TP63: variants seen among roughly 807,000 people sequenced by gnomAD.
TP63 encodes tumor protein 63.
TP63 carries 17 observed loss-of-function variants against 82.8 expected under a neutral mutation model. The ratio of observed to expected loss-of-function variants is 0.21; its 90% confidence interval spans 0.14 to 0.31. The LOEUF is 0.31. Among genes scored for constraint, TP63 ranks in the 10% least tolerant of loss-of-function variants. The probability of loss-of-function intolerance (pLI) is 1.00; values close to 1 mark genes in which losing one functional copy is unlikely to be tolerated. For synonymous variants in TP63, 330 were observed against 321.7 expected, an observed-to-expected ratio of 1.03 and a Z score of -0.28; for missense variants, 648 against 895.3, an observed-to-expected ratio of 0.72 and a Z score of 3.52.
chr3:189,657,412 G>T (rs930402870), intron 1 of TP63, among the ~76,000 whole-genome samples: 1 of 152,066 alleles, frequency 6.6e-6, no homozygotes, highest in Admixed American at 6.6e-5. Context: ...CAATATTACA[G>T]ATTAGTGAAA....
chr3:189,708,925 G>T (rs1266810114), intron 1 of TP63, among the ~76,000 whole-genome samples: 1 of 152,178 alleles, frequency 6.6e-6, no homozygotes, highest in Non-Finnish European at 1.5e-5. Flanking sequence ...TTGTGTTCAA[G>T]AAATTTTAGA....
In TP63 at chr3:189,679,585, C is replaced by T. The variant is rs1346387538; in HGVS notation, c.62+48008C>T. Reference sequence around the variant, plus strand: ...TATTTTCACTCATTTCGTAGGTGACCTCTTCATTCTGTTGATTGTTTTTTT... The same window carrying T: ...TATTTTCACTCATTTCGTAGGTGACTTCTTCATTCTGTTGATTGTTTTTTT... On this transcript the variant is annotated intron_variant, in intron 1 of 13. Transcript: ENST00000264731. Among the ~76,000 whole-genome samples the T allele has an allele frequency of 1.6e-4, 24 of 151,970 alleles. 1 individual carries two copies. The highest frequency in any genetic ancestry group is 3.2e-4 in the Non-Finnish European group (22 of 67,962).
chr3:189,604,358 A>G, the TP63 span, among the ~76,000 whole-genome samples: 1 of 152,338 alleles, frequency 6.6e-6, no homozygotes, highest in African/African-American at 2.4e-5. Context: ...CATTCATTAA[A>G]TGGGTAGATT....
At chr3:189,695,361 T>C (rs1486940822) in intron 1 of TP63, among the ~76,000 whole-genome samples, 1 of 152,154 alleles carries the variant, frequency 6.6e-6, no homozygotes, top group East Asian at 1.9e-4. Context: ...ATTTTTTGTT[T>C]GTTTGTTTGT....
At chr3:189,671,523 A>C (rs1486914389) in intron 1 of TP63, among the ~76,000 whole-genome samples, 1 of 152,128 alleles carries the variant, frequency 6.6e-6, no homozygotes, top group Non-Finnish European at 1.5e-5. Flanking sequence ...ATGATCTAGT[A>C]ATTCTACTAC....
At chr3:189,705,453 CT>C (rs1047436023) in intron 1 of TP63, among the ~76,000 whole-genome samples, 1 of 151,062 alleles carries the variant, frequency 6.6e-6, no homozygotes, top group Admixed American at 6.6e-5. Context: ...TCTTTCTTTT[CT>C]TTTTCTTTTC....
chr3:189,720,736 GAAAAAAAA>G (rs548352369), intron 1 of TP63, among the ~76,000 whole-genome samples: 1 of 120,932 alleles, frequency 8.3e-6, no homozygotes, highest in Non-Finnish European at 1.7e-5. Context: ...CTCCGTCTCA[GAAAAAAAA>G]AAAAAAAAAA....
intron 1 of TP63, among the ~76,000 whole-genome samples, chr3:189,650,289 TG>T (rs745409284): frequency 5.4e-5 from 8 of 147,284 alleles, no homozygotes; most frequent in Non-Finnish European, 5.9e-5. Flanking sequence ...GATTGATATA[TG>T]AGAAGGAGAA....
the TP63 span, among the ~76,000 whole-genome samples, chr3:189,609,078 A>G: frequency 2.0e-5 from 3 of 152,142 alleles, no homozygotes; most frequent in Admixed American, 6.6e-5. Context: ...TTGTGTTCTT[A>G]TATTCTCTGA....
chr3:189,834,888 C>CTTTTTTTTTTTT (rs10641824), intron 4 of TP63, among the ~76,000 whole-genome samples: 4 of 138,746 alleles, frequency 2.9e-5, no homozygotes, highest in African/African-American at 5.3e-5. Flanking sequence ...GGTTTTTTTC[C>CTTTTTTTTTTTT]TTTTTTTTTT....
At chr3:189,632,365 A>C (rs1729514734) in intron 1 of TP63, among the ~76,000 whole-genome samples, 1 of 152,106 alleles carries the variant, frequency 6.6e-6, no homozygotes, top group Admixed American at 6.6e-5. Context: ...GAGGTTACAA[A>C]GGGTTAACTT....
intron 4 of TP63, among the ~76,000 whole-genome samples, chr3:189,832,578 C>T (rs561948691): frequency 3.4e-4 from 51 of 152,008 alleles, no homozygotes; most frequent in Non-Finnish European, 5.9e-4. Flanking sequence ...AACCTCTGGC[C>T]GCATAGTCAG....
chr3:189,888,509 G>A (rs1272511134), intron 11 of TP63, among the ~76,000 whole-genome samples: 2 of 152,134 alleles, frequency 1.3e-5, no homozygotes, highest in Non-Finnish European at 2.9e-5. Flanking sequence ...AGATGTGATA[G>A]GGTATGCTCT....
intron 1 of TP63, among the ~76,000 whole-genome samples, chr3:189,696,162 AT>A: frequency 6.6e-6 from 1 of 152,206 alleles, no homozygotes; most frequent in East Asian, 1.9e-4. Flanking sequence ...CATACAGAAG[AT>A]TTTCACTGCC....
At chr3:189,848,239 T>TCCTTCTC (rs372147574) in intron 4 of TP63, among the ~76,000 whole-genome samples, 8 of 96,024 alleles carry the variant, frequency 8.3e-5, no homozygotes, top group African/African-American at 3.0e-4. Context: ...CTCCTCCTCC[T>TCCTTCTC]TCTCTCTCTC....
intron 12 of TP63, 103 bp downstream of exon 12, chr3:189,889,587 C>T: frequency 6.6e-7 from 1 of 1,514,044 alleles, no homozygotes. Context: ...GGGAAGACAG[C>T]AGTCCTGTGG....
At chr3:189,673,775 T>A (rs1577215732) in intron 1 of TP63, among the ~76,000 whole-genome samples, 1 of 152,306 alleles carries the variant, frequency 6.6e-6, no homozygotes, top group African/African-American at 2.4e-5. Flanking sequence ...TTCTGCAATT[T>A]ACTTAGCTTA....
At chr3:189,794,675 G>A (rs1214745516) in intron 3 of TP63, among the ~76,000 whole-genome samples, 1 of 152,008 alleles carries the variant, frequency 6.6e-6, no homozygotes, top group Non-Finnish European at 1.5e-5. Context: ...ACTGAGAGGA[G>A]AGTACATTTA....
intron 1 of TP63, among the ~76,000 whole-genome samples, chr3:189,676,509 A>G (rs1431133714): frequency 6.6e-6 from 1 of 151,962 alleles, no homozygotes; most frequent in African/African-American, 2.4e-5. Context: ...GCTGAATAAT[A>G]TTTCAATATG....
Sources: gnomAD v4.1 joint callset for allele counts (sites outside exome capture counted in the v4.1 genomes callset) on GRCh38, gnomAD v4.1.1 for gene constraint, MANE v1.5 for transcripts, NCBI Gene and HGNC (gene_info 2026-07-23, HGNC 2026-07-21) for gene names.